Variants in SLC14A2 observed in about 807,000 individuals in gnomAD.
The protein encoded by SLC14A2 is urea transporter 2.
A neutral mutation model predicts 104.6 loss-of-function variants in SLC14A2; 91 were observed. That is an observed-to-expected ratio of 0.87 (90% CI 0.73 to 1.04). The LOEUF (loss-of-function observed/expected upper bound fraction) is 1.04, where lower values mean the gene tolerates loss of function less well. Among genes scored for constraint, SLC14A2 ranks in the 50% least tolerant of loss-of-function variants. The pLI, the probability that SLC14A2 is intolerant of heterozygous loss-of-function variation, is 0.00. For synonymous variants in SLC14A2, 476 were observed against 466.4 expected (o/e 1.02, Z -0.27); for missense variants, 1,189 against 1,156.0 (o/e 1.03, Z -0.41).
At chr18:45,672,808 G>C (rs1382025642) in intron 16 of SLC14A2, 92 bp from the exon 17 acceptor site, 1 of 1,175,056 alleles carries the variant, frequency 8.5e-7, no homozygotes, top group Non-Finnish European at 1.2e-6. Context: ...CAAAATGTTA[G>C]TGGGAAGGGT....
intron 1 of SLC14A2, among the ~76,000 whole-genome samples, chr18:45,426,262 G>T (rs1428727327): frequency 6.6e-6 from 1 of 152,020 alleles, no homozygotes; most frequent in Non-Finnish European, 1.5e-5. Flanking sequence ...TCTGTTCCTT[G>T]CTGAGTGCCA....
chr18:45,344,356 C>G (rs2085426874), intron 1 of SLC14A2, among the ~76,000 whole-genome samples: 1 of 152,160 alleles, frequency 6.6e-6, no homozygotes. Context: ...ACTTCCAACA[C>G]CAGCCAAAAG....
intron 1 of SLC14A2, among the ~76,000 whole-genome samples, chr18:45,298,477 G>T (rs1022222631): frequency 1.3e-5 from 2 of 152,164 alleles, no homozygotes; most frequent in South Asian, 2.1e-4. Flanking sequence ...ACTCTCTTCT[G>T]ATCAGATCAT....
chr18:45,357,092 G>C (rs1340795178), intron 1 of SLC14A2, among the ~76,000 whole-genome samples: 2 of 152,168 alleles, frequency 1.3e-5, no homozygotes, highest in East Asian at 3.8e-4. Flanking sequence ...ATGTTGGAGA[G>C]GCAGTCTGTA....
At chr18:45,312,175 C>T (rs1388518460) in intron 1 of SLC14A2, among the ~76,000 whole-genome samples, 2 of 152,176 alleles carry the variant, frequency 1.3e-5, no homozygotes, top group Non-Finnish European at 2.9e-5. Flanking sequence ...ATAGGCCCTC[C>T]ATCACTGGGT....
intron 8 of SLC14A2, among the ~76,000 whole-genome samples, chr18:45,642,447 G>C (rs962525437): frequency 6.6e-6 from 1 of 152,202 alleles, no homozygotes; most frequent in Non-Finnish European, 1.5e-5. Context: ...GGAGGCTAGG[G>C]TTTATCTCAA....
At chr18:45,205,969 G>A in the SLC14A2 span, among the ~76,000 whole-genome samples, 1 of 152,174 alleles carries the variant, frequency 6.6e-6, no homozygotes, top group Non-Finnish European at 1.5e-5. Flanking sequence ...TTCCAGCCTA[G>A]AGCTCTGCAT....
intron 2 of SLC14A2, among the ~76,000 whole-genome samples, chr18:45,506,438 A>G (rs992398674): frequency 1.3e-5 from 2 of 152,176 alleles, no homozygotes; most frequent in Non-Finnish European, 2.9e-5. Context: ...AAATAGTTCT[A>G]CACAGAACCT....
At chr18:45,587,910 C>T (rs1413408601) in intron 2 of SLC14A2, among the ~76,000 whole-genome samples, 3 of 152,150 alleles carry the variant, frequency 2.0e-5, no homozygotes, top group African/African-American at 7.2e-5. Context: ...AAGTCAGAAA[C>T]AGATGCCACC....
At chr18:45,553,684 G>A (rs528610650) in intron 2 of SLC14A2, among the ~76,000 whole-genome samples, 18 of 152,290 alleles carry the variant, frequency 1.2e-4, no homozygotes, top group South Asian at 6.2e-4. Context: ...GTTTTAGCAA[G>A]GACCTTCAAC....
At chr18:45,297,980 A>G (rs2084932845) in intron 1 of SLC14A2, among the ~76,000 whole-genome samples, 1 of 152,246 alleles carries the variant, frequency 6.6e-6, no homozygotes, top group African/African-American at 2.4e-5. Flanking sequence ...TTTAAAGACA[A>G]AGAGGCATTT....
rs146143523 is a variant in SLC14A2, at chr18:45,328,405, G to A, written c.-125+115214G>A. On this transcript the variant is annotated intron_variant, in intron 1 of 20. Transcript: ENST00000586448. ...GGACAAAGCCATGGATACTAGCGCA[G>A]GACAAAAGCCAACTCTGTCACAGCA... 1.3e-3 allele frequency among the ~76,000 whole-genome samples: 203 copies of A among 152,242 alleles called. 3 individuals carry two copies. The highest frequency in any genetic ancestry group is 4.7e-3 in the African/African-American group (194 of 41,538).
At chr18:45,625,026 ACACT>A (rs879924163) in intron 2 of SLC14A2, among the ~76,000 whole-genome samples, 3 of 152,236 alleles carry the variant, frequency 2.0e-5, no homozygotes, top group Non-Finnish European at 4.4e-5. Flanking sequence ...CAGAATACAG[ACACT>A]CACTCACCAG....
chr18:45,260,463 C>T (rs1599621879), intron 1 of SLC14A2, among the ~76,000 whole-genome samples: 2 of 152,142 alleles, frequency 1.3e-5, no homozygotes, highest in African/African-American at 2.4e-5. Context: ...CTACTGGGTA[C>T]ATACCCAAAG....
At chr18:45,441,401 T>A (rs1404232634) in intron 1 of SLC14A2, among the ~76,000 whole-genome samples, 1 of 152,054 alleles carries the variant, frequency 6.6e-6, no homozygotes, top group Non-Finnish European at 1.5e-5. Flanking sequence ...CTCCACCCAG[T>A]CAAAACCCTA....
chr18:45,609,272 T>C (rs7239605), intron 2 of SLC14A2, among the ~76,000 whole-genome samples: 78,169 of 151,846 alleles, frequency 0.51, 20,420 homozygotes, highest in East Asian at 0.7. Context: ...CTCCTTTACC[T>C]CATTTTCTCC....
At chr18:45,630,337 A>G (rs542006406) in intron 4 of SLC14A2, among the ~76,000 whole-genome samples, 1 of 152,270 alleles carries the variant, frequency 6.6e-6, no homozygotes, top group South Asian at 2.1e-4. Flanking sequence ...ACAGTTGCAT[A>G]TTCTAAGCAT....
chr18:45,339,041 A>G (rs1213413818), intron 1 of SLC14A2, among the ~76,000 whole-genome samples: 1 of 151,990 alleles, frequency 6.6e-6, no homozygotes, highest in East Asian at 1.9e-4. Context: ...GGTTCAAGCA[A>G]TTCTCCCACC....
chr18:45,637,080 C>T lies in SLC14A2; in HGVS notation c.741C>T (p.Tyr247=), dbSNP rs1599097309. The part of the protein sequence containing the change: ...TLPFNIAVTL[Y]LAATGHYNLF... ...CCTTCAACATTGCAGTCACCTTGTA[C>T]CTTGCAGCCACAGGCCACTACAACC... The change falls in exon 6 of 20, where the codon TAC becomes TAT. Residue 247 remains tyrosine, a synonymous_variant. Transcript: ENST00000255226. 17 of 1,614,184 alleles carry T rather than the reference C, an allele frequency of 1.1e-5. No homozygotes were observed. Among genetic ancestry groups the T allele is most frequent in the South Asian group, 2.2e-5 (2 of 91,084 alleles).
Sources: gnomAD v4.1 joint callset for allele counts (sites outside exome capture counted in the v4.1 genomes callset) on GRCh38, gnomAD v4.1.1 for gene constraint, MANE v1.5 for transcripts, NCBI Gene and HGNC (gene_info 2026-07-23, HGNC 2026-07-21) for gene names.